The following STARD13 variants were observed in gnomAD, a reference collection of about 807,000 sequenced individuals.
The protein encoded by STARD13 is stAR-related lipid transfer protein 13.
In STARD13, 62 loss-of-function variants were observed where a neutral mutation model predicts 106.4. The observed-to-expected ratio is 0.58, with a 90% confidence interval of 0.48 to 0.72. STARD13 has a LOEUF of 0.72. STARD13 is among the 30% of genes least tolerant of loss of function. STARD13 has a pLI of 0.00. For synonymous variants in STARD13, 565 were observed against 553.0 expected, an observed-to-expected ratio of 1.02 and a Z score of -0.31; for missense variants, 1,387 against 1,424.0, an observed-to-expected ratio of 0.97 and a Z score of 0.42.
At chr13:33,298,657 T>C (rs1892596295) in intron 1 of STARD13, among the ~76,000 whole-genome samples, 2 of 152,204 alleles carry the variant, frequency 1.3e-5, no homozygotes, top group African/African-American at 4.8e-5. Flanking sequence ...ACGCATCTCA[T>C]ATGAATGTAT....
chr13:33,383,464 C>G, the STARD13 span, among the ~76,000 whole-genome samples: 1 of 152,072 alleles, frequency 6.6e-6, no homozygotes, highest in Non-Finnish European at 1.5e-5. Context: ...AAAGCTGTGG[C>G]TGGGTGCAGT....
chr13:33,479,403 A>G, the STARD13 span, among the ~76,000 whole-genome samples: 1 of 152,202 alleles, frequency 6.6e-6, no homozygotes, highest in East Asian at 1.9e-4. Context: ...AGAGACAAAA[A>G]TGCAAAAAGA....
rs1314370951 is a variant in STARD13 at position 33,111,816 on chromosome 13, G to A, written c.2569C>T (p.Leu857=). The A allele has an allele frequency of 1.2e-6, 2 of 1,614,124 alleles. No homozygotes were observed. Among genetic ancestry groups the A allele is most frequent in the East Asian group, 2.2e-5 (1 of 44,884 alleles). ...TCGCATTCCATGATCATGTGCGCTA[G>A]CCCCTGAGCTGCTGCCAGATTCTCG... is the stretch of plus-strand genomic sequence containing the variant. ...LNENLAAAQG[L]AHMIMECDRL... The change falls in exon 10 of 14, where the codon CTA becomes TTA. Residue 857 remains leucine, a synonymous_variant. Transcript: ENST00000336934.
intron 1 of STARD13, among the ~76,000 whole-genome samples, chr13:33,246,959 G>A (rs1889850593): frequency 6.6e-6 from 1 of 152,194 alleles, no homozygotes; most frequent in African/African-American, 2.4e-5. Context: ...CACTTTGGGA[G>A]GCCGAGGCAG....
intron 1 of STARD13, among the ~76,000 whole-genome samples, chr13:33,240,578 A>G (rs184961204): frequency 1.6e-4 from 25 of 152,212 alleles, no homozygotes; most frequent in African/African-American, 5.8e-4. Flanking sequence ...GCAGTTTTCA[A>G]TGTACAAGTC....
the STARD13 span, among the ~76,000 whole-genome samples, chr13:33,499,031 G>A: frequency 2.0e-5 from 3 of 152,102 alleles, no homozygotes; most frequent in Non-Finnish European, 2.9e-5. Context: ...CCAGCTACTC[G>A]GGTGGCTGAG....
chr13:33,129,858 C>T lies in STARD13; in HGVS notation c.819G>A (p.Gly273=), dbSNP rs1801498780. Residue 273 remains glycine (G), a synonymous_variant, in exon 5 of 14, where the codon GGG becomes GGA. Coordinates refer to ENST00000336934, the MANE Select transcript of STARD13 (RefSeq NM_178006.4). ...METLRGKGAH[G]RHKGSGRTGG... is the part of the protein sequence containing the mutation. The stretch of plus-strand genomic sequence containing the variant: ...CTGTCCGCCCAGACCCCTTATGCCT[C>T]CCGTGGGCTCCCTTCCCTCGGAGTG... 1 of 1,612,832 alleles carries T rather than the reference C, an allele frequency of 6.2e-7. No individual in the cohort carries two copies. Among genetic ancestry groups the T allele is most frequent in the Non-Finnish European group, 8.5e-7 (1 of 1,180,032 alleles).
the STARD13 span, among the ~76,000 whole-genome samples, chr13:33,501,864 CT>C: frequency 7.4e-4 from 112 of 151,078 alleles, 1 homozygote; most frequent in East Asian, 0.019. Flanking sequence ...AATGCAGGCT[CT>C]TTTTTTTTGG....
chr13:33,570,118 T>G, the STARD13 span, among the ~76,000 whole-genome samples: 1 of 148,134 alleles, frequency 6.8e-6, no homozygotes, highest in African/African-American at 2.5e-5. Flanking sequence ...TGTGGCTATA[T>G]TCTAAGTACA....
chr13:33,307,996 A>G (rs913578719), intron 1 of STARD13, among the ~76,000 whole-genome samples: 6 of 152,136 alleles, frequency 3.9e-5, no homozygotes, highest in African/African-American at 1.4e-4. Context: ...GCAGAATTCC[A>G]TTGTTTCATT....
chr13:33,627,015 A>C, the STARD13 span, among the ~76,000 whole-genome samples: 122 of 152,386 alleles, frequency 8.0e-4, 2 homozygotes, highest in East Asian at 0.022. Context: ...AGGGAAATAG[A>C]ATAAACCTGC....
intron 1 of STARD13, chr13:33,349,300 C>A: frequency 1.4e-6 from 1 of 697,348 alleles, no homozygotes; most frequent in South Asian, 1.5e-5. Flanking sequence ...TTCCCCCAGT[C>A]CCCGAAGCAT....
intron 7 of STARD13, among the ~76,000 whole-genome samples, chr13:33,121,153 T>C (rs1023052277): frequency 6.6e-6 from 1 of 152,196 alleles, no homozygotes; most frequent in African/African-American, 2.4e-5. Flanking sequence ...GCACAGTGAG[T>C]AGAAGATGGT....
At chr13:33,199,496 G>A (rs982489879) in intron 1 of STARD13, among the ~76,000 whole-genome samples, 2 of 152,114 alleles carry the variant, frequency 1.3e-5, no homozygotes, top group South Asian at 2.1e-4. Flanking sequence ...CAGCAAAACC[G>A]AAAAGAAACA....
chr13:33,221,519 C>A (rs566358206), intron 1 of STARD13, among the ~76,000 whole-genome samples: 10 of 152,182 alleles, frequency 6.6e-5, no homozygotes, highest in Non-Finnish European at 1.5e-4. Context: ...CCCCTCTTCC[C>A]TCTGAGTTGG....
chr13:33,385,218 A>AATATGAATATATAT, the STARD13 span, among the ~76,000 whole-genome samples: 19 of 33,582 alleles, frequency 5.7e-4, 2 homozygotes, highest in Middle Eastern at 0.026. Context: ...AAAGGTTCGG[A>AATATGAATATATAT]ATATATATAT....
At chr13:33,176,188 T>C (rs1174031819) in intron 1 of STARD13, among the ~76,000 whole-genome samples, 2 of 152,192 alleles carry the variant, frequency 1.3e-5, no homozygotes, top group Non-Finnish European at 2.9e-5. Flanking sequence ...TTAATTTAAT[T>C]CCAGGAAAAG....
At chr13:33,329,643 T>TTGTGTGTGTGTGTGTG (rs1229779802) in intron 1 of STARD13, among the ~76,000 whole-genome samples, 1 of 103,912 alleles carries the variant, frequency 9.6e-6, no homozygotes, top group African/African-American at 3.7e-5. Flanking sequence ...TAATATTCCA[T>TTGTGTGTGTGTGTGTG]TGTGTGTGTG....
the STARD13 span, among the ~76,000 whole-genome samples, chr13:33,515,000 T>C: frequency 3.7e-3 from 557 of 152,244 alleles, 4 homozygotes; most frequent in African/African-American, 0.013. Flanking sequence ...TTCCAGGTTA[T>C]GTGGCCTGGA....
Sources: gnomAD v4.1 joint callset for allele counts (sites outside exome capture counted in the v4.1 genomes callset) on GRCh38, gnomAD v4.1.1 for gene constraint, MANE v1.5 for transcripts, NCBI Gene and HGNC (gene_info 2026-07-23, HGNC 2026-07-21) for gene names.